Variants in KIAA1217 observed in about 807,000 individuals in gnomAD.
KIAA1217 encodes the protein KIAA1217.
In KIAA1217, 88 loss-of-function variants were observed where a neutral mutation model predicts 163.9. The observed-to-expected ratio is 0.54, with a 90% CI of 0.45 to 0.64. The LOEUF is 0.64. KIAA1217 is among the 30% of genes least tolerant of loss of function. The pLI, the probability that KIAA1217 is intolerant of heterozygous loss-of-function variation, is 0.00. For synonymous variants in KIAA1217, 903 were observed against 923.1 expected (o/e 0.98, Z 0.39); for missense variants, 2,372 against 2,475.0 (o/e 0.96, Z 0.88).
intron 17 of KIAA1217, 146 bp downstream of exon 17, chr10:24,537,039 T>A: frequency 1.1e-6 from 1 of 950,552 alleles, no homozygotes; most frequent in Non-Finnish European, 1.5e-6. Flanking sequence ...AGGCATAGGT[T>A]AAAATCAGAG....
rs189330943 is a variant in KIAA1217, at chr10:23,759,268, C to T, written c.-321+64034C>T. Among the ~76,000 whole-genome samples, 607 of 152,144 alleles carry T rather than the reference C, an allele frequency of 4.0e-3. 3 individuals are homozygous for T. The highest frequency in any genetic ancestry group is 0.013 in the African/African-American group (559 of 41,512). ...GTGTTTTTTGTGACTTTGTATGCTG[C>T]TACTTGGTTGAATTCATTTCTTAGT... On this transcript the variant is annotated intron_variant, in intron 1 of 18. Transcript: ENST00000376462.
chr10:24,060,985 T>A (rs978985575), intron 2 of KIAA1217, among the ~76,000 whole-genome samples: 3 of 152,230 alleles, frequency 2.0e-5, no homozygotes, highest in Admixed American at 2.0e-4. Context: ...TCACTGTATC[T>A]TTGTAGATTT....
chr10:24,483,722 T>C (rs984302630), intron 6 of KIAA1217, among the ~76,000 whole-genome samples: 6 of 152,310 alleles, frequency 3.9e-5, no homozygotes, highest in Middle Eastern at 3.4e-3. Flanking sequence ...CGTGTTCAGC[T>C]GGCCCATAAC....
rs2063760217 is a variant in KIAA1217 at position 24,473,862 on chromosome 10, G to A, written c.1481G>A (p.Gly494Asp). Residue 494 changes from glycine (G) to aspartate (D), a missense_variant, in exon 6 of 21, where the codon GGC (glycine) becomes GAC (aspartate). Physicochemically the swap from Gly to Asp is moderately conservative, Grantham distance 94. Transcript: ENST00000376454. ...ATGCACGCTCACTATAATGCCCACG[G>A]CCCCCCTCACACCATGCAGCCAGAC... ...IDMHAHYNAH[G>D]PPHTMQPDRA... is the part of the protein sequence containing the mutation. The A allele has an allele frequency of 6.2e-7, 1 of 1,613,976 alleles. No homozygotes were observed. The highest frequency in any genetic ancestry group is 1.3e-5 in the African/African-American group (1 of 74,980).
At chr10:24,037,545 C>T (rs1031173009) in intron 2 of KIAA1217, among the ~76,000 whole-genome samples, 3 of 152,102 alleles carry the variant, frequency 2.0e-5, no homozygotes, top group African/African-American at 7.2e-5. Flanking sequence ...AAGTAAACCT[C>T]AGAGCAAACC....
At chr10:24,139,418 C>T (rs2063963278) in intron 2 of KIAA1217, among the ~76,000 whole-genome samples, 1 of 151,964 alleles carries the variant, frequency 6.6e-6, no homozygotes, top group Non-Finnish European at 1.5e-5. Flanking sequence ...TCTATGTTGT[C>T]TCGATCATCT....
chr10:23,876,848 A>G (rs1158169328), intron 1 of KIAA1217, among the ~76,000 whole-genome samples: 1 of 151,932 alleles, frequency 6.6e-6, no homozygotes, highest in East Asian at 1.9e-4. Context: ...ATGAAATTTT[A>G]CAACTATATT....
Position 24,473,250 on chromosome 10 carries a change from C to A in KIAA1217, c.869C>A (p.Ala290Glu), listed in dbSNP as rs767627092. 71 of 1,517,538 alleles carry A rather than the reference C, an allele frequency of 4.7e-5. No homozygotes were observed. The highest frequency in any genetic ancestry group is 5.6e-5 in the Non-Finnish European group (64 of 1,134,328). 94.0% of individuals were successfully genotyped at this position (1,517,538 alleles called of 1,614,324 possible). ...CAGATGCAGAGAGAACTTGTTTATGCAAGAGGAGATGGCCCTGGGGCCCCT... is the reference window on the plus strand; with the variant it reads ...CAGATGCAGAGAGAACTTGTTTATGAAAGAGGAGATGGCCCTGGGGCCCCT... ...DMRMQRELVYARGDGPGAPRP... is the reference protein window; with the variant it reads ...DMRMQRELVYERGDGPGAPRP... Residue 290 changes from alanine to glutamate, a missense_variant, in exon 6 of 21, where the codon GCA (alanine) becomes GAA (glutamate). Ala to Glu is a moderately radical substitution (Grantham distance 107, BLOSUM62 -1). This residue lies in a region of KIAA1217 where 1,431 missense variants were observed against 1,470.3 expected (regional missense o/e 0.97). Transcript: ENST00000376454.
chr10:24,218,643 C>A (rs2130830212), intron 1 of KIAA1217, among the ~76,000 whole-genome samples: 1 of 152,120 alleles, frequency 6.6e-6, no homozygotes, highest in Non-Finnish European at 1.5e-5. Flanking sequence ...TGCCCACCAC[C>A]ATGCCCAGCT....
chr10:24,312,943 G>A (rs1465766603), intron 2 of KIAA1217, among the ~76,000 whole-genome samples: 1 of 152,054 alleles, frequency 6.6e-6, no homozygotes, highest in African/African-American at 2.4e-5. Context: ...CATATCTTAA[G>A]AGGTATTGGA....
rs1564545766 is a variant in KIAA1217 at position 23,934,601 on chromosome 10, ATATATG to A, written c.-320-72618_-320-72613del. ...TATATATATATATATGTATATATAT[ATATATG>A]TATATATATATATATATATTTTTTT... On this transcript the variant is annotated intron_variant, in intron 1 of 18. Coordinates refer to the KIAA1217 transcript ENST00000376462. Among the ~76,000 whole-genome samples, 137 of 80,446 alleles carry A rather than the reference ATATATG, an allele frequency of 1.7e-3. 1 individual carries two copies. In the Middle Eastern group the frequency reaches 0.018, roughly 11 times the overall value. The allele number at this position is 80,446 out of a possible 152,430, so 52.8% of individuals were successfully genotyped here.
intron 2 of KIAA1217, among the ~76,000 whole-genome samples, chr10:24,202,648 C>T (rs1037514573): frequency 6.6e-6 from 1 of 152,200 alleles, no homozygotes; most frequent in African/African-American, 2.4e-5. Context: ...CACGTCTCCT[C>T]TGCTCTGAGG....
chr10:23,887,157 A>G (rs534369449), intron 1 of KIAA1217, among the ~76,000 whole-genome samples: 30 of 151,948 alleles, frequency 2.0e-4, no homozygotes, highest in Non-Finnish European at 3.5e-4. Context: ...TCAGTTTCCC[A>G]AATTATAAGA....
chr10:24,276,358 A>G (rs17505725), intron 2 of KIAA1217, among the ~76,000 whole-genome samples: 48,066 of 152,124 alleles, frequency 0.32, 8,385 homozygotes, highest in Admixed American at 0.47. Flanking sequence ...TTAGAATTCC[A>G]TCTCGTTCTG....
intron 2 of KIAA1217, among the ~76,000 whole-genome samples, chr10:24,043,549 C>A (rs1326088419): frequency 6.6e-6 from 1 of 152,050 alleles, no homozygotes; most frequent in Admixed American, 6.5e-5. Flanking sequence ...GTATAAAAAA[C>A]AGAGACCAAA....
chr10:23,817,377 A>G (rs1338826688), intron 1 of KIAA1217, among the ~76,000 whole-genome samples: 1 of 152,220 alleles, frequency 6.6e-6, no homozygotes, highest in Non-Finnish European at 1.5e-5. Flanking sequence ...AGAAGTTTAA[A>G]GTCTTCACTT....
intron 4 of KIAA1217, among the ~76,000 whole-genome samples, chr10:24,437,455 C>T (rs902051911): frequency 6.6e-6 from 1 of 152,232 alleles, no homozygotes. Flanking sequence ...GGTCAGCCCA[C>T]TAAATGAGGC....
chr10:24,436,291 T>C (rs189837918), intron 4 of KIAA1217, among the ~76,000 whole-genome samples: 23 of 152,332 alleles, frequency 1.5e-4, no homozygotes, highest in African/African-American at 5.5e-4. Flanking sequence ...AACCTAAAAA[T>C]GTTCAAATGT....
intron 1 of KIAA1217, among the ~76,000 whole-genome samples, chr10:23,875,588 C>T (rs1300849704): frequency 1.3e-5 from 2 of 151,934 alleles, no homozygotes; most frequent in African/African-American, 4.8e-5. Context: ...CCCAGCAATC[C>T]CATTACTGGG....
Sources: allele counts gnomAD v4.1 joint callset (sites outside exome capture counted in the v4.1 genomes callset), GRCh38; gene constraint gnomAD v4.1.1; regional missense constraint gnomAD v4.1.1; transcripts MANE v1.5; gene names NCBI Gene and HGNC (gene_info 2026-07-23, HGNC 2026-07-21).